VAMP4: variants seen among roughly 807,000 people sequenced by gnomAD.
The protein encoded by VAMP4 is vesicle associated membrane protein 4, also known as vesicle-associated membrane protein 4.
A neutral mutation model predicts 23.5 loss-of-function variants in VAMP4; 19 were observed. The ratio of observed to expected loss-of-function variants is 0.81; its 90% confidence interval spans 0.56 to 1.19. The LOEUF (loss-of-function observed/expected upper bound fraction) is 1.19, where lower values mean the gene tolerates loss of function less well. Ranked by LOEUF, VAMP4 falls within the 50% of genes most tolerant of loss-of-function variation. The pLI, the probability that VAMP4 is intolerant of heterozygous loss-of-function variation, is 0.00. For missense variants in VAMP4, 145 were observed against 168.6 expected (o/e 0.86, Z 0.78); for synonymous variants, 31 against 51.0 (o/e 0.61, Z 1.67).
chr1:171,726,296 C>A (rs571902226), intron 3 of VAMP4, among the ~76,000 whole-genome samples: 1 of 150,810 alleles, frequency 6.6e-6, no homozygotes, highest in Non-Finnish European at 1.5e-5. Flanking sequence ...GTGATCCGCC[C>A]GCCTCGGCCT....
chr1:171,723,710 G>T (rs1326895554), intron 3 of VAMP4, among the ~76,000 whole-genome samples: 1 of 152,182 alleles, frequency 6.6e-6, no homozygotes, highest in African/African-American at 2.4e-5. Flanking sequence ...ACAGGGTCCT[G>T]AGGCGACATA....
chr1:171,710,291 A>G (rs1399523493), intron 5 of VAMP4, among the ~76,000 whole-genome samples: 1 of 151,822 alleles, frequency 6.6e-6, no homozygotes, highest in African/African-American at 2.4e-5. Flanking sequence ...GTATAGGTAT[A>G]GGTATAGGTT....
intron 2 of VAMP4, among the ~76,000 whole-genome samples, chr1:171,737,834 A>G (rs1370641143): frequency 6.6e-6 from 1 of 152,246 alleles, no homozygotes; most frequent in Non-Finnish European, 1.5e-5. Context: ...AGAAGCTATG[A>G]GAATAATGAT....
At position 171,700,623 on chromosome 1, in the gene VAMP4, A is replaced by G. The variant is rs1267916014; in HGVS notation, c.*3883T>C. On this transcript the variant is annotated 3_prime_UTR_variant, in exon 8 of 8. Transcript: ENST00000236192. ...ACAGTAGAAGAGCACCCCTATATCC[A>G]GGCAAAAGCAAAAGGCCCCACTCTT... is the stretch of plus-strand genomic sequence containing the variant. 1.3e-5 allele frequency: 2 copies of G among 152,248 alleles called. No homozygotes were observed. The allele number at this position is 152,248 out of a possible 1,614,324, so 9.4% of individuals were successfully genotyped here.
intron 2 of VAMP4, among the ~76,000 whole-genome samples, chr1:171,731,061 AAAG>A (rs956936533): frequency 5.0e-4 from 76 of 151,962 alleles, no homozygotes; most frequent in East Asian, 3.3e-3. Flanking sequence ...AAAAACAAAA[AAAG>A]AAGAAGAAGA....
intron 1 of VAMP4, among the ~76,000 whole-genome samples, chr1:171,741,320 C>T (rs921708997): frequency 6.6e-6 from 1 of 152,136 alleles, no homozygotes; most frequent in Non-Finnish European, 1.5e-5. Flanking sequence ...CTGTCATCAG[C>T]CTTCTTGCTT....
chr1:171,723,726 T>C (rs1655273569), intron 3 of VAMP4, among the ~76,000 whole-genome samples: 1 of 152,190 alleles, frequency 6.6e-6, no homozygotes, highest in Non-Finnish European at 1.5e-5. Context: ...ACATACATCC[T>C]CAGCTTACGA....
chr1:171,711,233 A>G (rs985048510), intron 4 of VAMP4, among the ~76,000 whole-genome samples: 1 of 152,130 alleles, frequency 6.6e-6, no homozygotes, highest in Non-Finnish European at 1.5e-5. Context: ...AGGCTAACAA[A>G]GGAGGTACCT....
intron 4 of VAMP4, among the ~76,000 whole-genome samples, chr1:171,712,274 G>A (rs894900570): frequency 1.3e-5 from 2 of 151,956 alleles, no homozygotes; most frequent in Admixed American, 6.6e-5. Context: ...TATGGTCTCC[G>A]CCCTCTACCC....
chr1:171,722,808 G>C (rs945117827), intron 3 of VAMP4, among the ~76,000 whole-genome samples: 1 of 151,596 alleles, frequency 6.6e-6, no homozygotes, highest in Admixed American at 6.6e-5. Flanking sequence ...ACTGTTGATG[G>C]GAGTGTAAAC....
chr1:171,716,928 C>T (rs759354663), intron 4 of VAMP4, among the ~76,000 whole-genome samples: 21 of 152,172 alleles, frequency 1.4e-4, no homozygotes, highest in Non-Finnish European at 4.4e-5. Context: ...GAGTAAAAAA[C>T]GCTATACTTA....
intron 3 of VAMP4, among the ~76,000 whole-genome samples, chr1:171,725,554 C>G (rs913148365): frequency 3.3e-5 from 5 of 152,170 alleles, no homozygotes; most frequent in African/African-American, 1.2e-4. Flanking sequence ...CTTTGTGACT[C>G]TATAGCAATC....
intron 7 of VAMP4, among the ~76,000 whole-genome samples, chr1:171,704,813 T>C (rs1462259445): frequency 2.0e-5 from 3 of 152,030 alleles, no homozygotes; most frequent in Non-Finnish European, 4.4e-5. Flanking sequence ...TAACCTGGGA[T>C]AATAGTCACA....
intron 3 of VAMP4, among the ~76,000 whole-genome samples, chr1:171,725,410 G>A (rs1196103968): frequency 1.3e-5 from 2 of 152,086 alleles, no homozygotes; most frequent in Non-Finnish European, 2.9e-5. Flanking sequence ...AGACCAGCCT[G>A]GCCAACATAA....
intron 7 of VAMP4, 101 bp from the exon 8 acceptor site, chr1:171,704,635 G>A: frequency 1.1e-6 from 1 of 888,370 alleles, no homozygotes; most frequent in South Asian, 2.8e-5. Context: ...TTTTAGAAAT[G>A]GGTAATGAGG....
intron 1 of VAMP4, among the ~76,000 whole-genome samples, chr1:171,739,350 G>C (rs780427965): frequency 6.6e-6 from 1 of 152,242 alleles, no homozygotes; most frequent in African/African-American, 2.4e-5. Flanking sequence ...CAAGTAGAGA[G>C]TTCCTGGACG....
chr1:171,725,037 A>G (rs778688470), intron 3 of VAMP4, among the ~76,000 whole-genome samples: 58 of 152,144 alleles, frequency 3.8e-4, no homozygotes, highest in Non-Finnish European at 7.9e-4. Context: ...CATCTCTAGA[A>G]CTTTTTCATC....
chr1:171,722,543 G>A (rs1226793304), intron 3 of VAMP4, among the ~76,000 whole-genome samples: 2 of 151,950 alleles, frequency 1.3e-5, no homozygotes, highest in South Asian at 2.1e-4. Context: ...TACAAAGAAC[G>A]TAAAGAAATT....
chr1:171,720,480 T>C (rs1655155991), intron 3 of VAMP4, among the ~76,000 whole-genome samples: 1 of 151,812 alleles, frequency 6.6e-6, no homozygotes, highest in Admixed American at 6.6e-5. Flanking sequence ...TTGATAAACT[T>C]CTAGCCAGAC....
Sources: allele counts gnomAD v4.1 joint callset (sites outside exome capture counted in the v4.1 genomes callset), GRCh38; gene constraint gnomAD v4.1.1; transcripts MANE v1.5; gene names NCBI Gene and HGNC (gene_info 2026-07-23, HGNC 2026-07-21).